The following ZDHHC24 variants were observed in gnomAD, a reference collection of about 807,000 sequenced individuals.
The protein encoded by ZDHHC24 is zDHHC palmitoyltransferase 24, also known as probable palmitoyltransferase ZDHHC24.
Under a neutral mutation model 23.2 loss-of-function variants are expected in ZDHHC24, and 17 were observed. The observed-to-expected ratio is 0.73, with a 90% CI of 0.50 to 1.10. The LOEUF is 1.10. Ranked by LOEUF, ZDHHC24 falls within the 50% of genes least tolerant of loss-of-function variation. ZDHHC24 has a pLI of 0.00. For synonymous variants in ZDHHC24, 186 were observed against 194.5 expected (o/e 0.96, Z 0.36); for missense variants, 366 against 393.0 (o/e 0.93, Z 0.58).
In ZDHHC24 at chr11:66,543,878, G is replaced by A. The variant is rs150817011; in HGVS notation, c.385C>T (p.Arg129Cys). 3.2e-5 allele frequency: 52 copies of A among 1,613,810 alleles called. No homozygotes were observed. The African/African-American group carries it at 5.3e-4, about 17-fold the overall frequency. ...CGGTAGTTGCCGAAGCCCACGCAGC[G>A]GCCCAGCAGGCGGCAGTGGTGGTCC... ...RRDHHCRLLG[R>C]CVGFGNYRPF... The change falls in exon 2 of 3, where the codon CGC (arginine) becomes TGC (cysteine). Residue 129 changes from arginine (R) to cysteine (C), a missense_variant. Transcript: ENST00000310442.
chr11:66,520,786 T>G (rs1856182072), downstream of ZDHHC24: 2 of 221,132 alleles, frequency 9.0e-6, no homozygotes, highest in Admixed American at 1.0e-4. Context: ...CAGGCTGAAG[T>G]GCAGTGGTAC....
downstream of ZDHHC24, chr11:66,531,106 C>T (rs892617009): frequency 4.4e-6 from 7 of 1,582,192 alleles, no homozygotes; most frequent in African/African-American, 9.4e-5. Context: ...CAGAGCCCCG[C>T]CAGGTCAGGG....
intron 4 of ZDHHC24, chr11:66,526,848 C>T (rs768636072): frequency 6.2e-7 from 1 of 1,614,064 alleles, no homozygotes; most frequent in African/African-American, 1.3e-5. Context: ...TCCTCCTCCA[C>T]TGCTCCTACA....
chr11:66,539,480 GC>G lies in ZDHHC24; in HGVS notation c.*48del, dbSNP rs755856315. The G allele has an allele frequency of 6.1e-6, 9 of 1,482,372 alleles. No homozygotes were observed. The highest frequency in any genetic ancestry group is 5.1e-5 in the Admixed American group (2 of 39,306). 91.8% of individuals were successfully genotyped at this position (1,482,372 alleles called of 1,614,324 possible). ...TTCCTTACTGAGTCTAGGTGTGGGG[GC>G]CCCCCTCTCACCCCTTCCTCCCTGC... On this transcript the variant is annotated 3_prime_UTR_variant, in exon 3 of 3. Coordinates refer to ENST00000310442, the MANE Select transcript of ZDHHC24 (RefSeq NM_207340.3).
chr11:66,528,371 C>T (rs1856611307), intron 3 of ZDHHC24, among the ~76,000 whole-genome samples: 1 of 152,162 alleles, frequency 6.6e-6, no homozygotes, highest in Non-Finnish European at 1.5e-5. Flanking sequence ...GTTAAAATCC[C>T]AGTGGGGTTT....
Position 66,546,030 on chromosome 11 carries a change from G to A in ZDHHC24, c.-27C>T. On this transcript the variant is annotated 5_prime_UTR_variant, in exon 1 of 3. Coordinates refer to ENST00000310442, the MANE Select transcript of ZDHHC24 (RefSeq NM_207340.3). ...GCCTGGACACCCAGCTGTCGGAGCC[G>A]GAGGACTAGGCCGCTTCCGTATTGG... 3.6e-6 allele frequency: 5 copies of A among 1,375,518 alleles called. No individual in the cohort carries two copies. Among genetic ancestry groups the A allele is most frequent in the Non-Finnish European group, 4.7e-6 (5 of 1,073,382 alleles). The allele number at this position is 1,375,518 out of a possible 1,614,324, so 85.2% of individuals were successfully genotyped here.
Position 66,535,651 on chromosome 11 carries a change from AT to A in ZDHHC24, c.*3877del, listed in dbSNP as rs1856944743. Among the ~76,000 whole-genome samples the A allele has an allele frequency of 6.6e-6, 1 of 152,228 alleles. No individual in the cohort carries two copies. The highest frequency in any genetic ancestry group is 2.4e-5 in the African/African-American group (1 of 41,462). ...TTTATGGGAAAAGGTACACAACTTTATTGAAAACATTGAGTGCAGAAATAAA... is the reference window on the plus strand; with the variant it reads ...TTTATGGGAAAAGGTACACAACTTTATGAAAACATTGAGTGCAGAAATAAA... On this transcript the variant is annotated 3_prime_UTR_variant, in exon 3 of 3. Transcript: ENST00000310442.
Position 66,538,793 on chromosome 11 carries a change from C to T in ZDHHC24, c.*736G>A. Reference sequence around the variant, plus strand: ...GCAGGCCTAGCCCTGTCAGCACCACCCTCCACAGATGCCCAAACAGCCCCA... The same window carrying T: ...GCAGGCCTAGCCCTGTCAGCACCACTCTCCACAGATGCCCAAACAGCCCCA... On this transcript the variant is annotated 3_prime_UTR_variant, in exon 3 of 3. Transcript: ENST00000310442. The T allele has an allele frequency of 6.6e-6, 1 of 152,242 alleles. No individual in the cohort carries two copies. Among genetic ancestry groups the T allele is most frequent in the South Asian group, 2.1e-4 (1 of 4,816 alleles). The allele number at this position is 152,242 out of a possible 1,614,324, so 9.4% of individuals were successfully genotyped here. A position where few individuals can be genotyped will look rare whatever the true frequency, so the allele number is the denominator to read the frequency against.
At chr11:66,530,023 C>T in intron 2 of ZDHHC24, 1 of 1,542,376 alleles carries the variant, frequency 6.5e-7, no homozygotes, top group South Asian at 1.2e-5. Context: ...ACCCCTCTGC[C>T]ACACAGCTAA....
chr11:66,522,219 AAAAAAGAAAAGG>A (rs1313221538), intron 4 of ZDHHC24, among the ~76,000 whole-genome samples: 1 of 152,118 alleles, frequency 6.6e-6, no homozygotes, highest in Non-Finnish European at 1.5e-5. Flanking sequence ...CTGTCTCAAA[AAAAAAGAAAAGG>A]AAACAGATGG....
In ZDHHC24 at chr11:66,543,773, G is replaced by A; in HGVS notation, c.490C>T (p.Leu164=). The A allele has an allele frequency of 6.2e-7, 1 of 1,610,590 alleles. No individual in the cohort carries two copies. Among genetic ancestry groups the A allele is most frequent in the South Asian group, 1.1e-5 (1 of 90,782 alleles). Residue 164 remains leucine (L), a synonymous_variant, in exon 2 of 3, where the codon CTG becomes TTG. Transcript: ENST00000310442. ...SVLLGPALSA[L]LRAHTPLHMA... is the part of the protein sequence containing the mutation. ...TGGAGGGGCGTGTGGGCTCGCAGCAGGGCCGACAGTGCAGGGCCCAGCAGC... is the reference window on the plus strand; with the variant it reads ...TGGAGGGGCGTGTGGGCTCGCAGCAAGGCCGACAGTGCAGGGCCCAGCAGC...
chr11:66,540,826 G>A (rs1452384577), intron 2 of ZDHHC24, among the ~76,000 whole-genome samples: 4 of 152,268 alleles, frequency 2.6e-5, no homozygotes, highest in East Asian at 1.9e-4. Context: ...CTGAACTAAC[G>A]GACTACGAGA....
downstream of ZDHHC24, chr11:66,532,182 C>A: frequency 1.2e-6 from 1 of 853,006 alleles, no homozygotes; most frequent in Non-Finnish European, 1.8e-6. Context: ...CTCACCACCC[C>A]CACTGTTGGG....
intron 4 of ZDHHC24, chr11:66,526,659 GATC>G (rs1340745937): frequency 6.2e-7 from 1 of 1,614,232 alleles, no homozygotes; most frequent in Admixed American, 1.7e-5. Context: ...GTGGTGGCCT[GATC>G]ATCAAGATCC....
At chr11:66,525,768 G>T (rs117703257) in intron 4 of ZDHHC24, among the ~76,000 whole-genome samples, 2 of 152,312 alleles carry the variant, frequency 1.3e-5, no homozygotes, top group Non-Finnish European at 2.9e-5. Context: ...TCCTAAGAAA[G>T]AGAACAAAAG....
At chr11:66,529,823 G>C in intron 2 of ZDHHC24, 1 of 1,611,062 alleles carries the variant, frequency 6.2e-7, no homozygotes. Context: ...CCACAGCCAT[G>C]CACCGGGCCT....
chr11:66,529,431 C>T (rs771910119), exon 3 of ZDHHC24: 20 of 917,612 alleles, frequency 2.2e-5, no homozygotes, highest in South Asian at 1.5e-4. Context: ...CAATATCGAG[C>T]GTGGACACCA....
At chr11:66,524,177 G>A in intron 4 of ZDHHC24, 1 of 408,678 alleles carries the variant, frequency 2.4e-6, no homozygotes, top group South Asian at 2.0e-5. Context: ...CTACTCAGGA[G>A]GTTGAGGTAG....
chr11:66,523,107 T>G lies in ZDHHC24; in HGVS notation c.*22-1641A>C, dbSNP rs973000583. The G allele has an allele frequency of 1.9e-5, 9 of 477,948 alleles. No individual in the cohort carries two copies. The Admixed American group carries it at 2.1e-4, about 11-fold the overall frequency. 29.6% of individuals were successfully genotyped at this position (477,948 alleles called of 1,614,324 possible). A position where few individuals can be genotyped will look rare whatever the true frequency, so the allele number is the denominator to read the frequency against. On this transcript the variant is annotated intron_variant, in intron 4 of 4. Transcript: ENST00000526986. The stretch of plus-strand genomic sequence containing the variant: ...CATCCTTTTCTCATAATAAAGTGCC[T>G]AAGTCCACTTGTCCTGGCTAGTCCA...
Sources: allele counts gnomAD v4.1 joint callset (sites outside exome capture counted in the v4.1 genomes callset), GRCh38; gene constraint gnomAD v4.1.1; transcripts MANE v1.5; gene names NCBI Gene and HGNC (gene_info 2026-07-23, HGNC 2026-07-21).